Variants in RYR3 observed in about 807,000 individuals in gnomAD.
RYR3 encodes the protein brain ryanodine receptor-calcium release channel.
RYR3 carries 207 observed loss-of-function variants against 584.3 expected under a neutral mutation model. The observed-to-expected ratio is 0.35, with a 90% CI of 0.32 to 0.40. The LOEUF is 0.40. Ranked by LOEUF, RYR3 falls within the 10% of genes least tolerant of loss-of-function variation. The pLI is 1.00. For synonymous variants in RYR3, 2,416 were observed against 2,248.5 expected (o/e 1.07, Z -2.11); for missense variants, 5,616 against 6,089.2 (o/e 0.92, Z 2.59).
At chr15:33,418,772 G>C (rs1248530841) in intron 1 of RYR3, among the ~76,000 whole-genome samples, 1 of 152,132 alleles carries the variant, frequency 6.6e-6, no homozygotes, top group Non-Finnish European at 1.5e-5. Flanking sequence ...ATAAAGCCAA[G>C]GGGACACATT....
intron 27 of RYR3, among the ~76,000 whole-genome samples, chr15:33,643,982 TA>T (rs2061967319): frequency 6.6e-6 from 1 of 152,220 alleles, no homozygotes; most frequent in African/African-American, 2.4e-5. Flanking sequence ...AAGGGACAGA[TA>T]AAGAATTTCA....
At chr15:33,807,671 G>A in intron 70 of RYR3, 102 bp downstream of exon 70, 2 of 1,242,072 alleles carry the variant, frequency 1.6e-6, no homozygotes, top group Non-Finnish European at 2.3e-6. Flanking sequence ...GTAGAGAATG[G>A]ATTTTCCCGC....
intron 48 of RYR3, among the ~76,000 whole-genome samples, chr15:33,732,245 G>A (rs12900875): frequency 0.14 from 21,564 of 151,084 alleles, 1,694 homozygotes; most frequent in East Asian, 0.29. Context: ...AAAAATAGCC[G>A]GGTATGGTGG....
chr15:33,395,405 T>G (rs960690851), intron 1 of RYR3, among the ~76,000 whole-genome samples: 10 of 152,370 alleles, frequency 6.6e-5, no homozygotes, highest in Admixed American at 1.3e-4. Context: ...AAACTTAAAA[T>G]GGAACCACTT....
intron 1 of RYR3, among the ~76,000 whole-genome samples, chr15:33,376,006 G>A (rs2040707281): frequency 6.6e-6 from 1 of 152,208 alleles, no homozygotes; most frequent in Admixed American, 6.5e-5. Flanking sequence ...GGAGCTTACA[G>A]TGAGCCGAGA....
intron 3 of RYR3, among the ~76,000 whole-genome samples, chr15:33,516,263 TG>T (rs1476856665): frequency 6.6e-6 from 1 of 151,964 alleles, no homozygotes; most frequent in Non-Finnish European, 1.5e-5. Flanking sequence ...AACAGAGGCA[TG>T]CCCCCCCCGA....
intron 1 of RYR3, among the ~76,000 whole-genome samples, chr15:33,400,051 G>A (rs528166333): frequency 2.0e-5 from 3 of 152,030 alleles, no homozygotes; most frequent in African/African-American, 7.2e-5. Context: ...CTCCTTTCTC[G>A]CAAGGAAAAC....
At chr15:33,385,813 C>T (rs2676056) in intron 1 of RYR3, among the ~76,000 whole-genome samples, 113,993 of 150,198 alleles carry the variant, frequency 0.76, 43,375 homozygotes, top group Non-Finnish European at 0.78. Flanking sequence ...AAGCAATCCT[C>T]CCACCTCAGC....
At chr15:33,498,520 G>T (rs912407887) in intron 2 of RYR3, among the ~76,000 whole-genome samples, 1 of 151,876 alleles carries the variant, frequency 6.6e-6, no homozygotes, top group Non-Finnish European at 1.5e-5. Context: ...TTGTAGTTGA[G>T]TTTTTTTGGC....
At chr15:33,484,211 GAAGTCTTATA>G (rs1457171483) in intron 2 of RYR3, among the ~76,000 whole-genome samples, 1 of 151,922 alleles carries the variant, frequency 6.6e-6, no homozygotes, top group African/African-American at 2.4e-5. Context: ...AAGTAGAATT[GAAGTCTTATA>G]AAGAAAAAGT....
intron 99 of RYR3, chr15:33,858,677 G>A (rs1162314915): frequency 2.0e-5 from 3 of 147,324 alleles, no homozygotes; most frequent in African/African-American, 7.4e-5. Context: ...GCAGGATCAG[G>A]TTGGAGGTGG....
At chr15:33,595,300 C>T (rs2059317981) in intron 16 of RYR3, among the ~76,000 whole-genome samples, 1 of 152,116 alleles carries the variant, frequency 6.6e-6, no homozygotes, top group Non-Finnish European at 1.5e-5. Flanking sequence ...ATTACGTTTG[C>T]TTTCAAACTT....
Position 33,785,703 on chromosome 15 carries a change from A to T in RYR3, c.9310A>T (p.Ile3104Phe). 1 of 1,612,126 alleles carries T rather than the reference A, an allele frequency of 6.2e-7. No homozygotes were observed. Among genetic ancestry groups the T allele is most frequent in the Non-Finnish European group, 8.5e-7 (1 of 1,178,924 alleles). ...PDTVEDMCPD[I>F]PQLEGLMKEI... is the part of the protein sequence containing the mutation. ...CACGGTAGAAGACATGTGTCCTGAC[A>T]TCCCCCAGCTGGAAGGCCTGATGAA... Residue 3104 changes from isoleucine to phenylalanine, a missense_variant, in exon 66 of 104, where the codon ATC (isoleucine) becomes TTC (phenylalanine). Coordinates refer to ENST00000634891, the MANE Select transcript of RYR3 (RefSeq NM_001036.6).
In RYR3 at chr15:33,652,609, C is replaced by T. The variant is rs1411177503; in HGVS notation, c.4143-109C>T. The T allele has an allele frequency of 1.8e-5, 20 of 1,136,334 alleles. No homozygotes were observed. The East Asian group carries it at 4.1e-4, about 23-fold the overall frequency. The allele number at this position is 1,136,334 out of a possible 1,614,324, so 70.4% of individuals were successfully genotyped here. A position where few individuals can be genotyped will look rare whatever the true frequency, so the allele number is the denominator to read the frequency against. On this transcript the variant is annotated intron_variant, in intron 31 of 103. Coordinates refer to ENST00000634891, the MANE Select transcript of RYR3 (RefSeq NM_001036.6). Reference sequence around the variant, plus strand: ...AAAGTATTTGGGGCTGAACAGAAAGCTTCCTAGGAAAGTTTCTGTAGCCAT... The same window carrying T: ...AAAGTATTTGGGGCTGAACAGAAAGTTTCCTAGGAAAGTTTCTGTAGCCAT...
At position 33,837,818 on chromosome 15, in the gene RYR3, G is replaced by A. The variant is rs1319476449; in HGVS notation, c.11838G>A (p.Lys3946=). 1 of 1,613,970 alleles carries A rather than the reference G, an allele frequency of 6.2e-7. No individual in the cohort carries two copies. The highest frequency in any genetic ancestry group is 1.7e-5 in the Admixed American group (1 of 60,022). ...KGIISKKEFQ[K]AMEGQKQYTQ... ...TTATCTCCAAAAAAGAATTCCAGAAGGCCATGGAAGGGCAAAAACAGTACA... is the reference window on the plus strand; with the variant it reads ...TTATCTCCAAAAAAGAATTCCAGAAAGCCATGGAAGGGCAAAAACAGTACA... Residue 3946 remains lysine (K), a synonymous_variant, in exon 89 of 104, where the codon AAG becomes AAA. Transcript: ENST00000634891.
intron 16 of RYR3, among the ~76,000 whole-genome samples, chr15:33,586,464 C>G (rs2058851779): frequency 6.6e-6 from 1 of 152,128 alleles, no homozygotes; most frequent in South Asian, 2.1e-4. Context: ...AGTGAAACAG[C>G]TTATAACAAG....
rs747519835 is a variant in RYR3, at chr15:33,816,928, C to A, written c.10569C>A (p.Ser3523=). The stretch of plus-strand genomic sequence containing the variant: ...TTTGGATAGAAACAGAGGAGTATTC[C>A]TTTGAAGAGAAACTAGTACAGGATT... ...QRFWIETEEY[S]FEEKLVQDLA... Residue 3523 remains serine, a synonymous_variant, in exon 75 of 104, where the codon TCC becomes TCA. Transcript: ENST00000634891. 3.5e-5 allele frequency: 57 copies of A among 1,610,586 alleles called. No individual in the cohort carries two copies. The East Asian group carries it at 1.2e-3, about 33-fold the overall frequency.
chr15:33,785,888 C>G lies in RYR3; in HGVS notation c.9495C>G (p.Thr3165=). The G allele has an allele frequency of 6.2e-7, 1 of 1,613,880 alleles. No individual in the cohort carries two copies. Among genetic ancestry groups the G allele is most frequent in the Non-Finnish European group, 8.5e-7 (1 of 1,179,840 alleles). The change falls in exon 66 of 104, where the codon ACC becomes ACG. Residue 3165 remains threonine (T), a synonymous_variant. Transcript: ENST00000634891. ...PSTGPCCTKV[T]SEHLSLILGN... ...CAGGGCCATGCTGCACCAAGGTCAC[C>G]TCTGAACACCTCAGTCTCATCCTGG...
At chr15:33,621,623 T>TGG (rs1335183682) in intron 19 of RYR3, among the ~76,000 whole-genome samples, 1 of 152,208 alleles carries the variant, frequency 6.6e-6, no homozygotes, top group Non-Finnish European at 1.5e-5. Flanking sequence ...GGGACAATTG[T>TGG]GATTCTAACT....
Sources: allele counts gnomAD v4.1 joint callset (sites outside exome capture counted in the v4.1 genomes callset), GRCh38; gene constraint gnomAD v4.1.1; transcripts MANE v1.5; gene names NCBI Gene and HGNC (gene_info 2026-07-23, HGNC 2026-07-21).